DCTPP1: variants seen among roughly 807,000 people sequenced by gnomAD.
DCTPP1 encodes dCTP pyrophosphatase 1, also known as XTP3-transactivated gene A protein.
A neutral mutation model predicts 8.8 loss-of-function variants in DCTPP1; 8 were observed. The ratio of observed to expected loss-of-function variants is 0.91; its 90% CI spans 0.54 to 1.64. The LOEUF (loss-of-function observed/expected upper bound fraction) is 1.64. Among genes scored for constraint, DCTPP1 ranks in the 40% most tolerant of loss-of-function variants. The pLI is 0.00. For synonymous variants in DCTPP1, 85 were observed against 92.1 expected, an observed-to-expected ratio of 0.92 and a Z score of 0.44; for missense variants, 231 against 230.4, an observed-to-expected ratio of 1.00 and a Z score of -0.02.
chr16:30,429,198 G>A (rs202012351), intron 1 of DCTPP1, 31 bp from the exon 2 acceptor site: 3 of 1,612,226 alleles, frequency 1.9e-6, no homozygotes, highest in African/African-American at 2.7e-5. Context: ...GTAAGTCCAA[G>A]TCTCCGGGTT....
intron 1 of DCTPP1, 52 bp from the exon 2 acceptor site, chr16:30,429,219 G>A: frequency 1.3e-6 from 2 of 1,597,334 alleles, no homozygotes; most frequent in Non-Finnish European, 1.7e-6. Flanking sequence ...AGAGGGTGAT[G>A]CAGGGGCCAG....
intron 2 of DCTPP1, among the ~76,000 whole-genome samples, chr16:30,428,346 C>A (rs903719609): frequency 6.6e-6 from 1 of 152,218 alleles, no homozygotes; most frequent in African/African-American, 2.4e-5. Flanking sequence ...AATGAAGGAG[C>A]GTCAGATTCT....
chr16:30,428,778 AAAAAAAC>A (rs1166815320), intron 2 of DCTPP1: 7 of 417,608 alleles, frequency 1.7e-5, no homozygotes, highest in Non-Finnish European at 2.5e-5. Context: ...AAAAAAAGCC[AAAAAAAC>A]AAAAAACAAA....
intron 1 of DCTPP1, 45 bp downstream of exon 1, chr16:30,429,835 G>A: frequency 1.3e-6 from 2 of 1,563,280 alleles, no homozygotes; most frequent in East Asian, 2.4e-5. Flanking sequence ...AAACGCGGGA[G>A]AAAGGGGCGA....
chr16:30,429,269 A>G, intron 1 of DCTPP1, 102 bp from the exon 2 acceptor site: 1 of 1,148,238 alleles, frequency 8.7e-7, no homozygotes, highest in East Asian at 2.5e-5. Context: ...GCCTGGGACC[A>G]GGAGATTCTG....
intron 1 of DCTPP1, 85 bp from the exon 2 acceptor site, chr16:30,429,252 T>A: frequency 7.4e-7 from 1 of 1,351,320 alleles, no homozygotes; most frequent in Non-Finnish European, 1.0e-6. Flanking sequence ...CCGTAGTATG[T>A]AATGGGGCCT....
chr16:30,424,645 C>G, intron 2 of DCTPP1, 112 bp from the exon 3 acceptor site: 1 of 1,384,454 alleles, frequency 7.2e-7, no homozygotes, highest in South Asian at 1.4e-5. Flanking sequence ...CCAATCTGGG[C>G]CCTGGGAAGA....
chr16:30,428,532 G>A (rs1002024258), intron 2 of DCTPP1, among the ~76,000 whole-genome samples: 1 of 152,202 alleles, frequency 6.6e-6, no homozygotes, highest in South Asian at 2.1e-4. Context: ...CACTTTGGGA[G>A]GCCAAGGCGG....
intron 1 of DCTPP1, chr16:30,429,595 C>T (rs2050213258): frequency 4.4e-6 from 2 of 457,120 alleles, no homozygotes; most frequent in Admixed American, 4.2e-5. Flanking sequence ...GTACCCCCGG[C>T]GCCTGGAGAG....
rs549109262 is a variant in DCTPP1 at position 30,424,420 on chromosome 16, C to T, written c.326G>A (p.Arg109His). 83 of 1,614,208 alleles carry T rather than the reference C, an allele frequency of 5.1e-5. No individual in the cohort carries two copies. In the South Asian group the frequency reaches 6.7e-4, roughly 13 times the overall value. Residue 109 changes from arginine to histidine, a missense_variant, in exon 3 of 3, where the codon CGC (arginine) becomes CAC (histidine). Arg to His is a conservative substitution (Grantham distance 29). Transcript: ENST00000319285. ...VLIYLVALAA[R>H]CRVDLPLAVL... ...TGCTAGCGGCAGATCCACACGGCAG[C>T]GGGCTGCTAATGCCACCAGGTAGAT...
At chr16:30,429,006 C>G (rs375231646) in intron 2 of DCTPP1, 51 bp downstream of exon 2, 21 of 1,530,406 alleles carry the variant, frequency 1.4e-5, no homozygotes, top group East Asian at 7.0e-5. Context: ...AAATGCTCCC[C>G]TCCCCTCCCC....
At chr16:30,429,010 C>T (rs765328444) in intron 2 of DCTPP1, 47 bp downstream of exon 2, 7 of 1,542,016 alleles carry the variant, frequency 4.5e-6, no homozygotes, top group Non-Finnish European at 6.2e-6. Context: ...GCTCCCCTCC[C>T]CTCCCCCACA....
chr16:30,428,882 G>A, intron 2 of DCTPP1, 175 bp downstream of exon 2: 1 of 579,328 alleles, frequency 1.7e-6, no homozygotes, highest in Admixed American at 3.4e-5. Flanking sequence ...TCTTCCAGGA[G>A]GCTGAGTGCC....
chr16:30,424,188 G>A lies in DCTPP1; in HGVS notation c.*45C>T. 6.3e-7 allele frequency: 1 copy of A among 1,599,260 alleles called. No individual in the cohort carries two copies. Among genetic ancestry groups the A allele is most frequent in the South Asian group, 1.1e-5 (1 of 89,224 alleles). On this transcript the variant is annotated 3_prime_UTR_variant, in exon 3 of 3. Coordinates refer to ENST00000319285, the MANE Select transcript of DCTPP1 (RefSeq NM_024096.2). ...AGGCTCCAGGGCCAGGCCACTCTCT[G>A]CTCTTCAGACACCACCCTGAGTTGC...
intron 2 of DCTPP1, 29 bp from the exon 3 acceptor site, chr16:30,424,562 C>T (rs769240636): frequency 4.4e-6 from 7 of 1,605,170 alleles, no homozygotes; most frequent in Non-Finnish European, 5.1e-6. Context: ...CAGACACACA[C>T]TCAGATGTAA....
intron 2 of DCTPP1, among the ~76,000 whole-genome samples, chr16:30,427,580 T>G (rs2050201642): frequency 6.6e-6 from 1 of 152,238 alleles, no homozygotes. Flanking sequence ...TTCCAGATCT[T>G]CTAATATGAG....
At chr16:30,425,957 T>G (rs966916900) in intron 2 of DCTPP1, among the ~76,000 whole-genome samples, 3 of 152,220 alleles carry the variant, frequency 2.0e-5, no homozygotes, top group African/African-American at 7.2e-5. Context: ...ACGCCTGCCT[T>G]TTCCAATGCC....
chr16:30,429,804 C>G, intron 1 of DCTPP1, 76 bp downstream of exon 1: 2 of 1,436,000 alleles, frequency 1.4e-6, no homozygotes, highest in Non-Finnish European at 1.9e-6. Context: ...GCTTCCCGAC[C>G]ACGTGGAGGA....
intron 2 of DCTPP1, among the ~76,000 whole-genome samples, chr16:30,425,214 C>A (rs558816780): frequency 6.6e-6 from 1 of 152,068 alleles, no homozygotes; most frequent in Non-Finnish European, 1.5e-5. Context: ...TCAGGCTTGG[C>A]GCAGTGGCTC....
Sources: allele counts gnomAD v4.1 joint callset (sites outside exome capture counted in the v4.1 genomes callset), GRCh38; gene constraint gnomAD v4.1.1; transcripts MANE v1.5; gene names NCBI Gene and HGNC (gene_info 2026-07-23, HGNC 2026-07-21).